PGCKA1: variants seen among roughly 807,000 people sequenced by gnomAD.
PGCKA1 encodes the protein PDCD10 and GCKIII kinases associated 1.
the PGCKA1 span, among the ~76,000 whole-genome samples, chr4:37,549,066 A>G: frequency 0.024 from 3,644 of 151,824 alleles, 71 homozygotes; most frequent in Non-Finnish European, 0.036. Context: ...TGCAGGTCAG[A>G]CCCGAGGGCC....
At chr4:37,487,915 A>G in the PGCKA1 span, among the ~76,000 whole-genome samples, 3 of 152,088 alleles carry the variant, frequency 2.0e-5, no homozygotes, top group Non-Finnish European at 2.9e-5. Context: ...GCTTAGTAGT[A>G]TTTCATTGTA....
the PGCKA1 span, among the ~76,000 whole-genome samples, chr4:37,580,974 C>T: frequency 6.6e-6 from 1 of 152,146 alleles, no homozygotes; most frequent in Non-Finnish European, 1.5e-5. Flanking sequence ...TCCATTCTTC[C>T]CTCCCCTTTT....
chr4:37,561,731 A>G, the PGCKA1 span, among the ~76,000 whole-genome samples: 6 of 152,228 alleles, frequency 3.9e-5, no homozygotes, highest in Admixed American at 1.3e-4. Flanking sequence ...ATACTGCACA[A>G]TTGCTCTCAG....
the PGCKA1 span, among the ~76,000 whole-genome samples, chr4:37,573,535 T>C: frequency 6.6e-6 from 1 of 152,218 alleles, no homozygotes; most frequent in Admixed American, 6.5e-5. Flanking sequence ...TCCAGGTGTG[T>C]AGATTTCCAC....
At chr4:37,505,740 C>T in the PGCKA1 span, among the ~76,000 whole-genome samples, 1 of 152,322 alleles carries the variant, frequency 6.6e-6, no homozygotes, top group African/African-American at 2.4e-5. Flanking sequence ...AGTTATCTCC[C>T]ACTGGGTCCC....
At chr4:37,508,352 T>C in the PGCKA1 span, among the ~76,000 whole-genome samples, 1 of 152,126 alleles carries the variant, frequency 6.6e-6, no homozygotes, top group Non-Finnish European at 1.5e-5. Flanking sequence ...GATTTGCCCT[T>C]TTGAGGCTAT....
chr4:37,485,080 AC>A, the PGCKA1 span, among the ~76,000 whole-genome samples: 1 of 152,224 alleles, frequency 6.6e-6, no homozygotes, highest in African/African-American at 2.4e-5. Context: ...AGTGATTGGA[AC>A]TTTGACTTCA....
the PGCKA1 span, among the ~76,000 whole-genome samples, chr4:37,551,891 A>C: frequency 6.6e-6 from 1 of 152,234 alleles, no homozygotes; most frequent in African/African-American, 2.4e-5. Flanking sequence ...GTACTATATA[A>C]ATCACTATCA....
chr4:37,465,024 C>A, the PGCKA1 span, among the ~76,000 whole-genome samples: 1 of 152,072 alleles, frequency 6.6e-6, no homozygotes, highest in African/African-American at 2.4e-5. Context: ...AGAACGTGAC[C>A]TTTTCTTGAT....
chr4:37,567,752 TG>T, the PGCKA1 span, among the ~76,000 whole-genome samples: 1 of 152,124 alleles, frequency 6.6e-6, no homozygotes, highest in African/African-American at 2.4e-5. Context: ...GCACAGTGCC[TG>T]GTGCATACCA....
At chr4:37,465,712 C>G in the PGCKA1 span, among the ~76,000 whole-genome samples, 1 of 152,140 alleles carries the variant, frequency 6.6e-6, no homozygotes, top group Non-Finnish European at 1.5e-5. Context: ...ATAAAGAAAC[C>G]ATCCTCACAG....
At chr4:37,455,912 C>T in the PGCKA1 span, among the ~76,000 whole-genome samples, 1 of 152,220 alleles carries the variant, frequency 6.6e-6, no homozygotes, top group Non-Finnish European at 1.5e-5. Flanking sequence ...GAATACCAGC[C>T]TTCCAGTAGC....
At chr4:37,530,685 T>C in the PGCKA1 span, among the ~76,000 whole-genome samples, 1 of 151,518 alleles carries the variant, frequency 6.6e-6, no homozygotes, top group African/African-American at 2.4e-5. Context: ...CGTTTGAAAA[T>C]TATTTCTCAG....
chr4:37,566,337 G>C, the PGCKA1 span, among the ~76,000 whole-genome samples: 1 of 149,686 alleles, frequency 6.7e-6, no homozygotes, highest in African/African-American at 2.5e-5. Context: ...CTGGAGTGCA[G>C]TGGCCTGATC....
chr4:37,494,673 T>C, the PGCKA1 span, among the ~76,000 whole-genome samples: 1 of 152,222 alleles, frequency 6.6e-6, no homozygotes, highest in African/African-American at 2.4e-5. Context: ...TTGGTAGTTC[T>C]GTTTTTAGGT....
the PGCKA1 span, among the ~76,000 whole-genome samples, chr4:37,472,989 G>C: frequency 6.6e-6 from 1 of 152,174 alleles, no homozygotes; most frequent in African/African-American, 2.4e-5. Flanking sequence ...GAAGGTTACA[G>C]AATCAAAGAT....
chr4:37,522,811 T>C, the PGCKA1 span, among the ~76,000 whole-genome samples: 1 of 151,974 alleles, frequency 6.6e-6, no homozygotes, highest in Non-Finnish European at 1.5e-5. Context: ...GCCTCAGGAC[T>C]CTGACAGCTG....
the PGCKA1 span, among the ~76,000 whole-genome samples, chr4:37,468,342 G>C: frequency 6.6e-6 from 1 of 152,128 alleles, no homozygotes; most frequent in Non-Finnish European, 1.5e-5. Context: ...GGAGGCTTTT[G>C]AATCACTGTT....
At chr4:37,532,186 G>T in the PGCKA1 span, among the ~76,000 whole-genome samples, 1 of 152,112 alleles carries the variant, frequency 6.6e-6, no homozygotes, top group African/African-American at 2.4e-5. Context: ...TAAGAATGAA[G>T]AAATTATTAA....
Sources: gnomAD v4.1 joint callset for allele counts (sites outside exome capture counted in the v4.1 genomes callset) on GRCh38, gnomAD v4.1.1 for gene constraint, MANE v1.5 for transcripts, NCBI Gene and HGNC (gene_info 2026-07-23, HGNC 2026-07-21) for gene names.